The following AGFG1 variants were observed in gnomAD, a reference collection of about 807,000 sequenced individuals.
The protein encoded by AGFG1 is arf-GAP domain and FG repeat-containing protein 1.
AGFG1 carries 10 observed loss-of-function variants against 60.6 expected under a neutral mutation model. That is an observed-to-expected ratio of 0.16 (90% CI 0.10 to 0.28). The LOEUF is 0.28. Ranked by LOEUF, AGFG1 falls within the 10% of genes least tolerant of loss-of-function variation. AGFG1 has a pLI of 1.00. For synonymous variants in AGFG1, 247 were observed against 242.9 expected (o/e 1.02, Z -0.16); for missense variants, 537 against 676.5 (o/e 0.79, Z 2.29).
intron 5 of AGFG1, among the ~76,000 whole-genome samples, chr2:227,529,087 A>G (rs948797508): frequency 3.3e-5 from 5 of 152,112 alleles, no homozygotes; most frequent in Non-Finnish European, 5.9e-5. Flanking sequence ...GTTTCATTAC[A>G]GGAGAATAAA....
At chr2:227,542,201 A>G (rs1692511363) in intron 10 of AGFG1, among the ~76,000 whole-genome samples, 1 of 152,096 alleles carries the variant, frequency 6.6e-6, no homozygotes, top group Admixed American at 6.6e-5. Context: ...CACTATGTTG[A>G]ATAGGAGTGG....
chr2:227,547,938 A>G (rs148482415), intron 10 of AGFG1, among the ~76,000 whole-genome samples: 1 of 152,344 alleles, frequency 6.6e-6, no homozygotes, highest in Non-Finnish European at 1.5e-5. Context: ...AGTAGAAACA[A>G]CCCAAGTGCC....
chr2:227,536,742 A>T, intron 9 of AGFG1, 38 bp downstream of exon 9: 2 of 1,602,374 alleles, frequency 1.2e-6, no homozygotes, highest in Non-Finnish European at 1.7e-6. Context: ...TTTTACAAAG[A>T]ACCCAAATAT....
intron 1 of AGFG1, among the ~76,000 whole-genome samples, chr2:227,472,994 G>A (rs570178619): frequency 2.9e-4 from 44 of 151,006 alleles, no homozygotes; most frequent in Non-Finnish European, 4.9e-4. Context: ...CCGGGGGGGA[G>A]GTCCATGCGG....
chr2:227,484,705 T>G lies in AGFG1; in HGVS notation c.168-6842T>G, dbSNP rs1206579222. On this transcript the variant is annotated intron_variant, in intron 1 of 12. Transcript: ENST00000310078. ...TTTTTTTTGTTTTTTTTTTTTTTTT[T>G]TTTTTTTTTTTTTTTTGAGATGGAG... Among the ~76,000 whole-genome samples, 600 of 101,338 alleles carry G rather than the reference T, an allele frequency of 5.9e-3. 1 individual carries two copies. The highest frequency in any genetic ancestry group is 0.02 in the African/African-American group (543 of 27,240). The allele number at this position is 101,338 out of a possible 152,430, so 66.5% of individuals were successfully genotyped here.
In AGFG1 at chr2:227,504,274, C is replaced by T. The variant is rs532675406; in HGVS notation, c.261+12634C>T. Reference sequence around the variant, plus strand: ...GTGGCTGGATCATGGCTTACTGCAGCCTTGACTTCCTGGGCTCAGGTGACT... The same window carrying T: ...GTGGCTGGATCATGGCTTACTGCAGTCTTGACTTCCTGGGCTCAGGTGACT... On this transcript the variant is annotated intron_variant, in intron 2 of 12. Transcript: ENST00000310078. Among the ~76,000 whole-genome samples the T allele has an allele frequency of 4.6e-5, 7 of 151,640 alleles. No homozygotes were observed. In the South Asian group the frequency reaches 1.5e-3, roughly 32 times the overall value.
chr2:227,483,277 A>G (rs1690523704), intron 1 of AGFG1, among the ~76,000 whole-genome samples: 1 of 152,228 alleles, frequency 6.6e-6, no homozygotes, highest in Non-Finnish European at 1.5e-5. Flanking sequence ...GTAGGTGAAG[A>G]TAGTCTGCTA....
chr2:227,530,398 G>C (rs1488916990), intron 5 of AGFG1, among the ~76,000 whole-genome samples: 1 of 152,070 alleles, frequency 6.6e-6, no homozygotes, highest in Non-Finnish European at 1.5e-5. Context: ...ATGGATACAA[G>C]TACTACAAAG....
intron 10 of AGFG1, among the ~76,000 whole-genome samples, chr2:227,551,300 C>T (rs561668577): frequency 1.3e-5 from 2 of 152,054 alleles, no homozygotes; most frequent in African/African-American, 4.8e-5. Flanking sequence ...CTTCATTTAC[C>T]TTCCATAAGA....
chr2:227,487,793 T>C (rs1690685041), intron 1 of AGFG1, among the ~76,000 whole-genome samples: 2 of 152,228 alleles, frequency 1.3e-5, no homozygotes, highest in African/African-American at 4.8e-5. Flanking sequence ...TTGCAACTCA[T>C]CACTCTGAAT....
intron 5 of AGFG1, among the ~76,000 whole-genome samples, chr2:227,527,784 G>A (rs1276035514): frequency 6.6e-6 from 1 of 152,080 alleles, no homozygotes; most frequent in African/African-American, 2.4e-5. Flanking sequence ...ATGTGTATGA[G>A]GTATTGGCTA....
intron 11 of AGFG1, among the ~76,000 whole-genome samples, chr2:227,552,672 CTTTTT>C (rs199665905): frequency 7.5e-6 from 1 of 134,208 alleles, no homozygotes; most frequent in African/African-American, 2.7e-5. Context: ...TTTCTTTTTT[CTTTTT>C]TTTTTTTTTT....
chr2:227,482,386 T>A (rs1445655196), intron 1 of AGFG1, among the ~76,000 whole-genome samples: 1 of 152,240 alleles, frequency 6.6e-6, no homozygotes, highest in East Asian at 1.9e-4. Flanking sequence ...GATAGACGAA[T>A]ATTTTGGACT....
At chr2:227,476,972 G>C (rs1475589340) in intron 1 of AGFG1, among the ~76,000 whole-genome samples, 1 of 150,424 alleles carries the variant, frequency 6.6e-6, no homozygotes, top group Non-Finnish European at 1.5e-5. Flanking sequence ...TACGATCACG[G>C]CTCACTGCAA....
At chr2:227,514,422 C>T (rs1203245235) in intron 2 of AGFG1, among the ~76,000 whole-genome samples, 4 of 152,014 alleles carry the variant, frequency 2.6e-5, no homozygotes, top group African/African-American at 9.7e-5. Flanking sequence ...TTCACCATTT[C>T]GTCCAGGCTG....
chr2:227,537,915 C>G (rs932155330), intron 10 of AGFG1, among the ~76,000 whole-genome samples: 2 of 152,048 alleles, frequency 1.3e-5, no homozygotes. Context: ...GATTAAGAAT[C>G]ACAGTATTAG....
chr2:227,504,294 G>C (rs1185692985), intron 2 of AGFG1, among the ~76,000 whole-genome samples: 1 of 151,928 alleles, frequency 6.6e-6, no homozygotes, highest in East Asian at 1.9e-4. Context: ...CTGGGCTCAG[G>C]TGACTCTCCC....
intron 5 of AGFG1, among the ~76,000 whole-genome samples, chr2:227,529,309 A>G (rs1400106810): frequency 1.3e-5 from 2 of 152,074 alleles, no homozygotes; most frequent in Admixed American, 6.6e-5. Flanking sequence ...TTGATTGCCA[A>G]TTTCTTCTCA....
At chr2:227,481,099 C>CTTT (rs36152184) in intron 1 of AGFG1, among the ~76,000 whole-genome samples, 8 of 75,748 alleles carry the variant, frequency 1.1e-4, no homozygotes, top group African/African-American at 3.8e-4. Context: ...GTGTTTTAGG[C>CTTT]TTTTTTTTTT....
Sources: allele counts gnomAD v4.1 joint callset (sites outside exome capture counted in the v4.1 genomes callset), GRCh38; gene constraint gnomAD v4.1.1; transcripts MANE v1.5; gene names NCBI Gene and HGNC (gene_info 2026-07-23, HGNC 2026-07-21).